TTC28: variants seen among roughly 807,000 people sequenced by gnomAD.
The protein encoded by TTC28 is tetratricopeptide repeat protein 28.
Under a neutral mutation model 198.0 loss-of-function variants are expected in TTC28, and 61 were observed. The observed-to-expected ratio is 0.31, with a 90% CI of 0.25 to 0.38. TTC28 has a LOEUF of 0.38. TTC28 is among the 10% of genes least tolerant of loss of function. The pLI is 1.00. For synonymous variants in TTC28, 1,171 were observed against 1,297.8 expected (o/e 0.90, Z 2.10); for missense variants, 2,678 against 3,164.0 (o/e 0.85, Z 3.69).
chr22:28,219,061 C>T (rs1460269144), intron 5 of TTC28, among the ~76,000 whole-genome samples: 1 of 152,038 alleles, frequency 6.6e-6, no homozygotes, highest in Non-Finnish European at 1.5e-5. Flanking sequence ...AATCCATGAA[C>T]CATACTTTGA....
At chr22:28,401,232 T>TGAC (rs879357486) in intron 2 of TTC28, among the ~76,000 whole-genome samples, 15 of 151,272 alleles carry the variant, frequency 9.9e-5, no homozygotes, top group South Asian at 2.1e-4. Flanking sequence ...ACGACGACGA[T>TGAC]GACGACGACG....
chr22:28,423,817 G>T (rs1028434567), intron 2 of TTC28, among the ~76,000 whole-genome samples: 4 of 152,172 alleles, frequency 2.6e-5, no homozygotes, highest in Non-Finnish European at 5.9e-5. Flanking sequence ...TTGATATGAG[G>T]TTGCTGGGGA....
intron 2 of TTC28, among the ~76,000 whole-genome samples, chr22:28,521,237 A>C (rs1186178456): frequency 6.8e-6 from 1 of 146,044 alleles, no homozygotes; most frequent in Non-Finnish European, 1.5e-5. Flanking sequence ...TATCTCTACC[A>C]AAAAAAAAAA....
intron 2 of TTC28, among the ~76,000 whole-genome samples, chr22:28,562,204 G>A (rs1393928525): frequency 6.6e-6 from 1 of 152,176 alleles, no homozygotes; most frequent in East Asian, 1.9e-4. Flanking sequence ...ACATGGAGAA[G>A]AGAATAAAAA....
chr22:28,205,781 T>C (rs565979177), intron 5 of TTC28, among the ~76,000 whole-genome samples: 51 of 152,122 alleles, frequency 3.4e-4, no homozygotes, highest in African/African-American at 1.2e-3. Context: ...GTCCATGAAT[T>C]CCTTTTATGA....
chr22:28,039,765 C>T (rs1939534634), intron 12 of TTC28, among the ~76,000 whole-genome samples: 1 of 151,932 alleles, frequency 6.6e-6, no homozygotes, highest in East Asian at 1.9e-4. Context: ...GACAGAGACA[C>T]AAAAAACCCT....
chr22:28,620,956 C>A (rs916630734), intron 2 of TTC28, among the ~76,000 whole-genome samples: 2 of 152,144 alleles, frequency 1.3e-5, no homozygotes, highest in African/African-American at 4.8e-5. Flanking sequence ...CTCCTTCTGG[C>A]TGCTTTTTGT....
At chr22:28,101,931 T>G (rs572285877) in intron 8 of TTC28, among the ~76,000 whole-genome samples, 3 of 152,020 alleles carry the variant, frequency 2.0e-5, no homozygotes, top group Admixed American at 6.5e-5. Context: ...CCAGGATGCC[T>G]CGGCAAGAGC....
chr22:28,399,723 T>A (rs2046874856), intron 2 of TTC28, among the ~76,000 whole-genome samples: 1 of 152,224 alleles, frequency 6.6e-6, no homozygotes, highest in Non-Finnish European at 1.5e-5. Flanking sequence ...TTAATTCTTG[T>A]TGTTTCATAT....
At chr22:28,605,706 A>C (rs1387124827) in intron 2 of TTC28, among the ~76,000 whole-genome samples, 1 of 152,196 alleles carries the variant, frequency 6.6e-6, no homozygotes, top group Non-Finnish European at 1.5e-5. Context: ...AAAAACGTTA[A>C]ATTGGTATAT....
In TTC28 at chr22:28,406,901, A is replaced by G. The variant is rs535290405; in HGVS notation, c.382-100258T>C. On this transcript the variant is annotated intron_variant, in intron 2 of 22. Coordinates refer to ENST00000397906, the MANE Select transcript of TTC28 (RefSeq NM_001145418.2). ...AAAGCTTTAAAATTTTGGAAAGGCT[A>G]TTAACAAATTTACAAAAAACTTTAC... Among the ~76,000 whole-genome samples the G allele has an allele frequency of 3.3e-5, 5 of 152,328 alleles. No homozygotes were observed. The South Asian group carries it at 6.2e-4, about 19-fold the overall frequency.
At chr22:28,150,997 T>C (rs907327418) in intron 6 of TTC28, among the ~76,000 whole-genome samples, 2 of 152,192 alleles carry the variant, frequency 1.3e-5, no homozygotes, top group African/African-American at 2.4e-5. Flanking sequence ...CTAACAGAAG[T>C]GTTATCAATG....
chr22:28,460,644 TAGATAGATAGATAGATAGATAGAC>T (rs1427203668), intron 2 of TTC28, among the ~76,000 whole-genome samples: 4 of 137,798 alleles, frequency 2.9e-5, no homozygotes, highest in Non-Finnish European at 4.7e-5. Flanking sequence ...GATAGATAGA[TAGATAGATAGATAGATAGATAGAC>T]AGACAGACAG....
rs919766416 is a variant in TTC28 at position 28,256,267 on chromosome 22, C to T, written c.933+39931G>A. Among the ~76,000 whole-genome samples, 60 of 151,646 alleles carry T rather than the reference C, an allele frequency of 4.0e-4. 2 individuals are homozygous for T. The highest frequency in any genetic ancestry group is 3.9e-3 in the Admixed American group (60 of 15,232). On this transcript the variant is annotated intron_variant, in intron 5 of 22. Coordinates refer to ENST00000397906, the MANE Select transcript of TTC28 (RefSeq NM_001145418.2). ...CGAAACCCCGTCTCTACTAAAGATA[C>T]AAAAATTAGCTGGGTGTGGTGGCAG... is the stretch of plus-strand genomic sequence containing the variant.
intron 5 of TTC28, among the ~76,000 whole-genome samples, chr22:28,213,566 T>C (rs1451569853): frequency 9.2e-6 from 1 of 108,576 alleles, no homozygotes; most frequent in African/African-American, 3.8e-5. Context: ...GGAATCCAAC[T>C]TACAAGGGAT....
rs1363791406 is a variant in TTC28, at chr22:28,070,872, A to G, written c.3932+23208T>C. 1.3e-5 allele frequency among the ~76,000 whole-genome samples: 2 copies of G among 152,202 alleles called. 1 individual carries two copies. Among genetic ancestry groups the G allele is most frequent in the Non-Finnish European group, 2.9e-5 (2 of 68,040 alleles). Reference sequence around the variant, plus strand: ...CATACTAACTTACAGTATAATTTTCAAGCTATCCCACAGCTATATTCTTTC... The same window carrying G: ...CATACTAACTTACAGTATAATTTTCGAGCTATCCCACAGCTATATTCTTTC... On this transcript the variant is annotated intron_variant, in intron 12 of 22. Transcript: ENST00000397906.
In TTC28 at chr22:27,983,740, G is replaced by A. The variant is rs536253144; in HGVS notation, c.5927C>T (p.Pro1976Leu). Residue 1976 changes from proline (P) to leucine (L), a missense_variant, in exon 23 of 23, where the codon CCC becomes CTC. Pro to Leu is a moderately conservative substitution (Grantham distance 98). This residue lies in a region of TTC28 where 622 missense variants were observed against 656.0 expected (regional missense o/e 0.95). Coordinates refer to ENST00000397906, the MANE Select transcript of TTC28 (RefSeq NM_001145418.2). Reference protein sequence around the residue: ...NALPLGYQQPPFSPTGADSIA... With the variant: ...NALPLGYQQPLFSPTGADSIA... ...GCTGTCCGCACCGGTGGGAGAGAAGGGGGGTTGCTGGTAACCCAAGGGCAG... is the reference window on the plus strand; with the variant it reads ...GCTGTCCGCACCGGTGGGAGAGAAGAGGGGTTGCTGGTAACCCAAGGGCAG... 1.3e-6 allele frequency: 2 copies of A among 1,551,662 alleles called. No individual in the cohort carries two copies. The highest frequency in any genetic ancestry group is 2.4e-5 in the South Asian group (2 of 84,044).
chr22:28,367,603 G>GA (rs1433418490), intron 2 of TTC28, among the ~76,000 whole-genome samples: 2 of 151,472 alleles, frequency 1.3e-5, no homozygotes, highest in Non-Finnish European at 3.0e-5. Flanking sequence ...AATTTGAAAT[G>GA]AAAAAAATAC....
At chr22:28,017,522 G>A (rs547288732) in intron 13 of TTC28, among the ~76,000 whole-genome samples, 1 of 152,340 alleles carries the variant, frequency 6.6e-6, no homozygotes, top group Non-Finnish European at 1.5e-5. Context: ...CCTGGACAAA[G>A]TGGAGGAGGT....
Sources: allele counts gnomAD v4.1 joint callset (sites outside exome capture counted in the v4.1 genomes callset), GRCh38; gene constraint gnomAD v4.1.1; regional missense constraint gnomAD v4.1.1; transcripts MANE v1.5; gene names NCBI Gene and HGNC (gene_info 2026-07-23, HGNC 2026-07-21).